The following ENO4 variants were observed in gnomAD, a reference collection of about 807,000 sequenced individuals.
The protein encoded by ENO4 is 2-phospho-D-glycerate hydro-lyase.
In ENO4, 53 loss-of-function variants were observed where a neutral mutation model predicts 63.2. That is an observed-to-expected ratio of 0.84 (90% confidence interval 0.67 to 1.05). The LOEUF is 1.05. Among genes scored for constraint, ENO4 ranks in the 50% least tolerant of loss-of-function variants. ENO4 has a pLI of 0.00. For missense variants in ENO4, 719 were observed against 772.0 expected (o/e 0.93, Z 0.81); for synonymous variants, 266 against 283.8 (o/e 0.94, Z 0.63).
Position 116,876,270 on chromosome 10 carries a change from A to G in ENO4, c.1537+10A>G. 5.9e-6 allele frequency: 9 copies of G among 1,527,284 alleles called. No homozygotes were observed. Among genetic ancestry groups the G allele is most frequent in the Non-Finnish European group, 7.9e-6 (9 of 1,136,378 alleles). The allele number at this position is 1,527,284 out of a possible 1,614,324, so 94.6% of individuals were successfully genotyped here. ...ACCAATCTGATTGACAGTGAGTAAA[A>G]GCATACATCTGAAAGACTCGTAATG... is the stretch of plus-strand genomic sequence containing the variant. On this transcript the variant is annotated intron_variant, in intron 11 of 13. Transcript: ENST00000341276.
At chr10:116,862,689 A>G in intron 6 of ENO4, 110 bp from the exon 7 acceptor site, 1 of 724,314 alleles carries the variant, frequency 1.4e-6, no homozygotes, top group Non-Finnish European at 2.4e-6. Context: ...TCATCTGCTA[A>G]TCAGGGACTC....
At chr10:116,879,035 G>A (rs948320340) in intron 11 of ENO4, among the ~76,000 whole-genome samples, 3 of 152,150 alleles carry the variant, frequency 2.0e-5, no homozygotes, top group Non-Finnish European at 4.4e-5. Context: ...GAGCCACCGT[G>A]CCCAGCCATC....
At chr10:116,878,537 A>C (rs531681710) in intron 11 of ENO4, among the ~76,000 whole-genome samples, 10 of 152,272 alleles carry the variant, frequency 6.6e-5, no homozygotes, top group African/African-American at 2.2e-4. Context: ...CAATGAAAGG[A>C]GAAAGCCATT....
chr10:116,868,695 A>C lies in ENO4; in HGVS notation c.1036A>C (p.Lys346Gln). Residue 346 changes from lysine to glutamine, a missense_variant, in exon 8 of 14, where the codon AAA (lysine) becomes CAA (glutamine). This residue lies in a region of ENO4 where 544 missense variants were observed against 583.6 expected (regional missense o/e 0.93). Transcript: ENST00000341276. ...AETKKGHDGS[K>Q]RGQQQITGKM... ...GACAAAAAAAGGGCACGATGGAAGCAAAAGAGGTCAAGTAAGTCTATATAT... is the reference window on the plus strand; with the variant it reads ...GACAAAAAAAGGGCACGATGGAAGCCAAAGAGGTCAAGTAAGTCTATATAT... The C allele has an allele frequency of 6.5e-7, 1 of 1,550,356 alleles. No homozygotes were observed.
At position 116,882,277 on chromosome 10, in the gene ENO4, C is replaced by T. The variant is rs1382236066; in HGVS notation, c.*608C>T. 6.6e-6 allele frequency: 1 copy of T among 151,628 alleles called. No individual in the cohort carries two copies. The highest frequency in any genetic ancestry group is 1.5e-5 in the Non-Finnish European group (1 of 67,970). 9.4% of individuals were successfully genotyped at this position (151,628 alleles called of 1,614,324 possible). ...TTTATCTTTGCGAGTCTTCTTAGAT[C>T]CTTTTTGGAGTAAGAATGAGTATAA... On this transcript the variant is annotated 3_prime_UTR_variant, in exon 14 of 14. Transcript: ENST00000341276.
intron 11 of ENO4, among the ~76,000 whole-genome samples, chr10:116,878,780 T>C (rs1589765044): frequency 7.0e-6 from 1 of 142,192 alleles, no homozygotes; most frequent in Non-Finnish European, 1.5e-5. Context: ...TCTTGCTCTG[T>C]CGCCCAGAGC....
intron 4 of ENO4, among the ~76,000 whole-genome samples, 171 bp downstream of exon 4, chr10:116,859,309 A>G (rs570142470): frequency 9.3e-4 from 141 of 151,830 alleles, no homozygotes; most frequent in Admixed American, 2.1e-3. Context: ...CCCCCATCCC[A>G]CTCTCCTTTT....
At chr10:116,877,491 A>T (rs1055381673) in intron 11 of ENO4, among the ~76,000 whole-genome samples, 1 of 152,210 alleles carries the variant, frequency 6.6e-6, no homozygotes, top group African/African-American at 2.4e-5. Context: ...GCAGTTTAGA[A>T]AACAGGCAAC....
chr10:116,910,788 T>C (rs1439942912), intron 10 of ENO4, among the ~76,000 whole-genome samples: 4 of 152,224 alleles, frequency 2.6e-5, no homozygotes, highest in Non-Finnish European at 4.4e-5. Flanking sequence ...AATCACCACA[T>C]GCTTTTTCAA....
chr10:116,881,211 CT>C (rs1283260490), intron 13 of ENO4, among the ~76,000 whole-genome samples: 2 of 152,206 alleles, frequency 1.3e-5, no homozygotes, highest in African/African-American at 4.8e-5. Flanking sequence ...TAATACTGGC[CT>C]TTCCCCCAGT....
intron 7 of ENO4, among the ~76,000 whole-genome samples, chr10:116,863,691 G>T (rs1193875669): frequency 6.6e-6 from 1 of 152,198 alleles, no homozygotes; most frequent in African/African-American, 2.4e-5. Context: ...AGGCACTTTG[G>T]TTTTAACTCT....
intron 1 of ENO4, among the ~76,000 whole-genome samples, chr10:116,854,797 C>T (rs997441681): frequency 8.6e-5 from 13 of 150,978 alleles, no homozygotes; most frequent in Admixed American, 1.3e-4. Context: ...AAAAATTAGC[C>T]GGGTGTGGTG....
rs1479142575 is a variant in ENO4, at chr10:116,855,609, T to C, written c.166-14T>C. The C allele has an allele frequency of 6.5e-7, 1 of 1,536,066 alleles. No individual in the cohort carries two copies. Among genetic ancestry groups the C allele is most frequent in the South Asian group, 1.2e-5 (1 of 84,056 alleles). On this transcript the variant is annotated splice_polypyrimidine_tract_variant and intron_variant, in intron 1 of 13. Transcript: ENST00000341276. ...TTGAACCAGATGATTTTTGTTCTTT[T>C]GTGTGTGTTGAAGGCAAACTGCTTT... is the stretch of plus-strand genomic sequence containing the variant.
intron 11 of ENO4, 121 bp from the exon 12 acceptor site, chr10:116,879,169 GC>G: frequency 1.6e-6 from 1 of 641,164 alleles, no homozygotes; most frequent in South Asian, 2.3e-5. Context: ...TCCTAGGTAG[GC>G]AAATAATTGA....
At position 116,861,200 on chromosome 10, in the gene ENO4, A is replaced by G. The variant is rs1282918879; in HGVS notation, c.936+10A>G. On this transcript the variant is annotated intron_variant, in intron 6 of 13. Coordinates refer to ENST00000341276, the MANE Select transcript of ENO4 (RefSeq NM_001242699.2). ...ATTAACAACCAAACAAGTACCTTAC[A>G]TTATCTTAAATTACCTTTTCTAAAA... 8.3e-7 allele frequency: 1 copy of G among 1,211,682 alleles called. No homozygotes were observed. Among genetic ancestry groups the G allele is most frequent in the Admixed American group, 3.9e-5 (1 of 25,520 alleles). The allele number at this position is 1,211,682 out of a possible 1,614,324, so 75.1% of individuals were successfully genotyped here.
intron 8 of ENO4, 58 bp downstream of exon 8, chr10:116,868,764 C>T: frequency 1.4e-6 from 2 of 1,429,118 alleles, no homozygotes; most frequent in Non-Finnish European, 9.6e-7. Context: ...AATTTCCTGC[C>T]CCTTTTTATC....
At chr10:116,852,303 T>C (rs1010563682) in intron 1 of ENO4, among the ~76,000 whole-genome samples, 1 of 152,186 alleles carries the variant, frequency 6.6e-6, no homozygotes, top group Non-Finnish European at 1.5e-5. Context: ...TTGATAGCAG[T>C]GTGAGAACAA....
chr10:116,910,678 T>C (rs1848156972), intron 10 of ENO4, among the ~76,000 whole-genome samples: 1 of 152,222 alleles, frequency 6.6e-6, no homozygotes, highest in African/African-American at 2.4e-5. Flanking sequence ...GAACATGAAT[T>C]AGCATTATAA....
At chr10:116,911,650 G>T in exon 11 of ENO4, 2 of 1,564,352 alleles carry the variant, frequency 1.3e-6, no homozygotes, top group South Asian at 2.3e-5. Flanking sequence ...CTGTAAGCAC[G>T]ATCAAATAAA....
Sources: gnomAD v4.1 joint callset for allele counts (sites outside exome capture counted in the v4.1 genomes callset) on GRCh38, gnomAD v4.1.1 for gene constraint, gnomAD v4.1.1 regional missense constraint, MANE v1.5 for transcripts, NCBI Gene and HGNC (gene_info 2026-07-23, HGNC 2026-07-21) for gene names.